GALNTL6: variants seen among roughly 807,000 people sequenced by gnomAD.
The protein encoded by GALNTL6 is polypeptide N-acetylgalactosaminyltransferase-like 6.
In GALNTL6, 46 loss-of-function variants were observed where a neutral mutation model predicts 73.7. The ratio of observed to expected loss-of-function variants is 0.62; its 90% CI spans 0.49 to 0.80. The LOEUF (loss-of-function observed/expected upper bound fraction) is 0.80. Ranked by LOEUF, GALNTL6 falls within the 30% of genes least tolerant of loss-of-function variation. GALNTL6 has a pLI of 0.00. For missense variants in GALNTL6, 604 were observed against 755.0 expected, an observed-to-expected ratio of 0.80 and a Z score of 2.34; for synonymous variants, 259 against 263.7, an observed-to-expected ratio of 0.98 and a Z score of 0.17.
chr4:171,986,081 G>T, intron 2 of GALNTL6, among the ~76,000 whole-genome samples: 1 of 146,358 alleles, frequency 6.8e-6, no homozygotes. Flanking sequence ...TTGGAAAATT[G>T]GTATCTTTGG....
At chr4:172,232,113 TACAC>T (rs922984049) in intron 3 of GALNTL6, among the ~76,000 whole-genome samples, 1 of 149,852 alleles carries the variant, frequency 6.7e-6, no homozygotes, top group South Asian at 2.1e-4. Flanking sequence ...TACGTGTGTG[TACAC>T]ACACACTCAG....
intron 2 of GALNTL6, among the ~76,000 whole-genome samples, chr4:171,970,608 G>T (rs1011027426): frequency 6.6e-6 from 1 of 152,076 alleles, no homozygotes; most frequent in Admixed American, 6.6e-5. Flanking sequence ...CTAGGGAATT[G>T]GATTAGCCCA....
At chr4:171,986,781 G>T (rs1210789816) in intron 2 of GALNTL6, among the ~76,000 whole-genome samples, 3 of 152,072 alleles carry the variant, frequency 2.0e-5, no homozygotes, top group African/African-American at 4.8e-5. Flanking sequence ...AGGTATAAAA[G>T]GTCTAAGAAT....
At chr4:171,883,647 T>G (rs1736522145) in intron 2 of GALNTL6, among the ~76,000 whole-genome samples, 1 of 150,746 alleles carries the variant, frequency 6.6e-6, no homozygotes, top group African/African-American at 2.5e-5. Context: ...TATGTGCTTT[T>G]CTTTTCTTTT....
At chr4:172,258,303 A>G (rs1439654030) in intron 3 of GALNTL6, among the ~76,000 whole-genome samples, 1 of 151,144 alleles carries the variant, frequency 6.6e-6, no homozygotes, top group Non-Finnish European at 1.5e-5. Flanking sequence ...ATTTTTCATT[A>G]GTATGTTATT....
intron 5 of GALNTL6, among the ~76,000 whole-genome samples, chr4:172,691,916 A>C (rs1227634622): frequency 6.6e-6 from 1 of 152,248 alleles, no homozygotes; most frequent in Non-Finnish European, 1.5e-5. Context: ...CAACCTTTAC[A>C]TAAAGCCTGA....
At chr4:172,224,380 T>C (rs1476694452) in intron 2 of GALNTL6, among the ~76,000 whole-genome samples, 1 of 152,198 alleles carries the variant, frequency 6.6e-6, no homozygotes, top group Non-Finnish European at 1.5e-5. Flanking sequence ...TACTACATCA[T>C]ATTTTCTTCC....
intron 3 of GALNTL6, among the ~76,000 whole-genome samples, chr4:172,244,454 A>C (rs111316190): frequency 0.021 from 3,199 of 152,234 alleles, 103 homozygotes; most frequent in African/African-American, 0.071. Flanking sequence ...CAATTTAACT[A>C]TTTGTTGCAA....
chr4:173,036,475 A>G (rs1753701327), intron 12 of GALNTL6, among the ~76,000 whole-genome samples: 1 of 152,206 alleles, frequency 6.6e-6, no homozygotes, highest in Admixed American at 6.5e-5. Flanking sequence ...GGAAAGGCAC[A>G]CCTACACTTG....
intron 2 of GALNTL6, among the ~76,000 whole-genome samples, chr4:172,037,826 A>C (rs1276491824): frequency 6.6e-6 from 1 of 152,232 alleles, no homozygotes; most frequent in Non-Finnish European, 1.5e-5. Context: ...CTTTAAAAAA[A>C]AATTCTAGAG....
intron 8 of GALNTL6, among the ~76,000 whole-genome samples, chr4:172,917,135 C>A (rs907752954): frequency 1.3e-5 from 2 of 152,116 alleles, no homozygotes; most frequent in African/African-American, 4.8e-5. Context: ...CTGACAAAAA[C>A]AAGAAACGGG....
chr4:172,514,711 C>T (rs2110799512), intron 5 of GALNTL6, among the ~76,000 whole-genome samples: 1 of 152,326 alleles, frequency 6.6e-6, no homozygotes, highest in African/African-American at 2.4e-5. Flanking sequence ...TCCCCAAGGG[C>T]CCCTGTGAGA....
intron 6 of GALNTL6, among the ~76,000 whole-genome samples, chr4:172,811,347 A>G (rs1317826797): frequency 6.6e-6 from 1 of 152,248 alleles, no homozygotes; most frequent in Non-Finnish European, 1.5e-5. Context: ...GTTGACAGTT[A>G]CTTTAACAGA....
chr4:172,615,294 T>A (rs901889660), intron 5 of GALNTL6, among the ~76,000 whole-genome samples: 1 of 152,124 alleles, frequency 6.6e-6, no homozygotes, highest in African/African-American at 2.4e-5. Context: ...ATTATATACC[T>A]CTTATTGTTT....
intron 2 of GALNTL6, among the ~76,000 whole-genome samples, chr4:171,920,371 A>G (rs1188622362): frequency 1.3e-5 from 2 of 152,260 alleles, no homozygotes; most frequent in East Asian, 3.9e-4. Context: ...CCTAAAACTT[A>G]AAGTATAATT....
chr4:172,596,557 G>A (rs111799609), intron 5 of GALNTL6, among the ~76,000 whole-genome samples: 4,736 of 151,756 alleles, frequency 0.031, 115 homozygotes, highest in South Asian at 0.086. Context: ...GAATTCAAAT[G>A]TTTATTCAGA....
At chr4:172,667,165 T>C (rs948158525) in intron 5 of GALNTL6, 1 of 152,284 alleles carries the variant, frequency 6.6e-6, no homozygotes, top group Non-Finnish European at 1.5e-5. Flanking sequence ...TGTGGGGTAG[T>C]GGAGCGACTC....
Position 172,428,532 on chromosome 4 carries a change from C to T in GALNTL6, c.553+79843C>T, listed in dbSNP as rs536460281. On this transcript the variant is annotated intron_variant, in intron 5 of 12. Transcript: ENST00000506823. ...ACCATCAGTCCACAGCTATGTCCCACGGAAGGGCAAGCAGAGGCTAATAGC... is the reference window on the plus strand; with the variant it reads ...ACCATCAGTCCACAGCTATGTCCCATGGAAGGGCAAGCAGAGGCTAATAGC... 7.9e-5 allele frequency among the ~76,000 whole-genome samples: 12 copies of T among 152,254 alleles called. No homozygotes were observed. In the South Asian group the frequency reaches 2.5e-3, roughly 32 times the overall value.
chr4:172,173,916 C>A (rs1163498018), intron 2 of GALNTL6, among the ~76,000 whole-genome samples: 1 of 151,978 alleles, frequency 6.6e-6, no homozygotes, highest in Non-Finnish European at 1.5e-5. Flanking sequence ...GGGGTGCAGA[C>A]TGTGGTGGAG....
Sources: gnomAD v4.1 joint callset for allele counts (sites outside exome capture counted in the v4.1 genomes callset) on GRCh38, gnomAD v4.1.1 for gene constraint, MANE v1.5 for transcripts, NCBI Gene and HGNC (gene_info 2026-07-23, HGNC 2026-07-21) for gene names.